The following PCBP3 variants were observed in gnomAD, a reference collection of about 807,000 sequenced individuals.
The protein encoded by PCBP3 is poly(rC) binding protein 3.
PCBP3 carries 25 observed loss-of-function variants against 52.7 expected under a neutral mutation model. That is an observed-to-expected ratio of 0.47 (90% CI 0.35 to 0.66). The LOEUF is 0.66. Ranked by LOEUF, PCBP3 falls within the 30% of genes least tolerant of loss-of-function variation. The pLI, the probability that PCBP3 is intolerant of heterozygous loss-of-function variation, is 0.01. For missense variants in PCBP3, 391 were observed against 490.3 expected (o/e 0.80, Z 1.91); for synonymous variants, 162 against 183.0 (o/e 0.89, Z 0.93).
chr21:45,812,522 C>T (rs1376644144), intron 4 of PCBP3, among the ~76,000 whole-genome samples: 2 of 152,310 alleles, frequency 1.3e-5, no homozygotes, highest in South Asian at 2.1e-4. Context: ...TCTCCTGCCT[C>T]AGCCTCCCGA....
intron 15 of PCBP3, among the ~76,000 whole-genome samples, chr21:45,931,914 C>G (rs1255559124): frequency 1.3e-5 from 2 of 150,256 alleles, no homozygotes; most frequent in African/African-American, 4.9e-5. Context: ...TGAACAAACA[C>G]CCGGGCCATG....
At chr21:45,782,985 C>A (rs2090759765) in intron 4 of PCBP3, among the ~76,000 whole-genome samples, 1 of 152,164 alleles carries the variant, frequency 6.6e-6, no homozygotes, top group Non-Finnish European at 1.5e-5. Flanking sequence ...GTTTGTACTC[C>A]CACTAGCAGA....
At chr21:45,729,077 C>T (rs566306472) in intron 2 of PCBP3, among the ~76,000 whole-genome samples, 3 of 152,150 alleles carry the variant, frequency 2.0e-5, no homozygotes, top group South Asian at 4.1e-4. Context: ...TCCTGGTCTC[C>T]CCCTGTCCTT....
chr21:45,665,250 AAT>A, intron 1 of PCBP3, among the ~76,000 whole-genome samples: 1 of 152,156 alleles, frequency 6.6e-6, no homozygotes, highest in African/African-American at 2.4e-5. Flanking sequence ...AAAAAATAAA[AAT>A]AAAAAATTAG....
At chr21:45,864,948 C>A (rs2094653488) in intron 5 of PCBP3, among the ~76,000 whole-genome samples, 1 of 152,152 alleles carries the variant, frequency 6.6e-6, no homozygotes, top group African/African-American at 2.4e-5. Context: ...CTTTTGAAAA[C>A]ATTCTGCATT....
chr21:45,697,754 CAAA>C lies in PCBP3; in HGVS notation c.-200+28817_-200+28819del, dbSNP rs5844246. ...TGGGCAACAGAGGGAGACCCTGTCT[CAAA>C]AAAAAAAAAAAAAATTACAAAGGAA... On this transcript the variant is annotated intron_variant, in intron 2 of 17. Coordinates refer to ENST00000681687, the MANE Select transcript of PCBP3 (RefSeq NM_001384156.1). Among the ~76,000 whole-genome samples, 208 of 132,028 alleles carry C rather than the reference CAAA, an allele frequency of 1.6e-3. 2 individuals are homozygous for C. Among genetic ancestry groups the C allele is most frequent in the African/African-American group, 4.7e-3 (171 of 36,124 alleles). The allele number at this position is 132,028 out of a possible 152,430, so 86.6% of individuals were successfully genotyped here. A position where few individuals can be genotyped will look rare whatever the true frequency, so the allele number is the denominator to read the frequency against.
At position 45,729,631 on chromosome 21, in the gene PCBP3, A is replaced by G. The variant is rs10470260; in HGVS notation, c.-199-5761A>G. Among the ~76,000 whole-genome samples the G allele has an allele frequency of 3.3e-3, 497 of 152,214 alleles. 1 individual carries two copies. Among genetic ancestry groups the G allele is most frequent in the African/African-American group, 0.011 (469 of 41,500 alleles). On this transcript the variant is annotated intron_variant, in intron 2 of 17. Transcript: ENST00000681687. ...ATTGTGGTTTGACCTAATTGTCTTC[A>G]TAATATCTTTTGTGTCTGTATAATG...
At chr21:45,822,215 G>A (rs1232979763) in intron 4 of PCBP3, among the ~76,000 whole-genome samples, 2 of 152,160 alleles carry the variant, frequency 1.3e-5, no homozygotes, top group Admixed American at 6.5e-5. Context: ...CACAGGCACC[G>A]GCACCGTCAT....
At chr21:45,673,208 ACT>A (rs1174150831) in intron 2 of PCBP3, among the ~76,000 whole-genome samples, 3 of 151,830 alleles carry the variant, frequency 2.0e-5, no homozygotes, top group Non-Finnish European at 4.4e-5. Context: ...TTCTGATTAG[ACT>A]CTTTCTTTGG....
intron 4 of PCBP3, among the ~76,000 whole-genome samples, chr21:45,786,683 G>A (rs1033285209): frequency 3.3e-5 from 5 of 152,100 alleles, no homozygotes; most frequent in African/African-American, 7.2e-5. Context: ...ATATTGCTAC[G>A]TTCGTTCCAA....
chr21:45,784,341 C>G lies in PCBP3; in HGVS notation c.-126+28889C>G, dbSNP rs73232764. On this transcript the variant is annotated intron_variant, in intron 4 of 17. Transcript: ENST00000681687. ...GGGAATGTTAATAGTGACAGCTCTA[C>G]CTCTACCTCTACCTCTACCTCTACC... 3.9e-3 allele frequency among the ~76,000 whole-genome samples: 409 copies of G among 105,040 alleles called. 2 individuals are homozygous for G. The highest frequency in any genetic ancestry group is 6.3e-3 in the African/African-American group (164 of 26,008). The allele number at this position is 105,040 out of a possible 152,430, so 68.9% of individuals were successfully genotyped here.
At position 45,802,455 on chromosome 21, in the gene PCBP3, C is replaced by T. The variant is rs557537865; in HGVS notation, c.-126+47003C>T. 6.6e-6 allele frequency among the ~76,000 whole-genome samples: 1 copy of T among 152,296 alleles called. No individual in the cohort carries two copies. The highest frequency in any genetic ancestry group is 1.5e-5 in the Non-Finnish European group (1 of 68,020). On this transcript the variant is annotated intron_variant, in intron 4 of 17. Transcript: ENST00000681687. This position sits in a 1 kb window ranked among gnomAD's most constrained non-coding sequence, Gnocchi z 5.1. The stretch of plus-strand genomic sequence containing the variant: ...TACTGAGTGCCTACGTTGTCCTGTG[C>T]CCGGGCTGCCCAAGGTGGTGTGAGT...
Position 45,701,060 on chromosome 21 carries a change from C to A in PCBP3, c.-200+32108C>A, listed in dbSNP as rs1043666913. On this transcript the variant is annotated intron_variant, in intron 2 of 17. Transcript: ENST00000681687. ...TAAATCTCCTCTCACAGAGCAGAATCGCCTGGAGGGATTTTGCCTTGAAAA... is the reference window on the plus strand; with the variant it reads ...TAAATCTCCTCTCACAGAGCAGAATAGCCTGGAGGGATTTTGCCTTGAAAA... Among the ~76,000 whole-genome samples the A allele has an allele frequency of 3.3e-5, 5 of 152,304 alleles. No homozygotes were observed. In the South Asian group the frequency reaches 1.0e-3, roughly 32 times the overall value.
chr21:45,667,099 T>C (rs113833388), intron 1 of PCBP3, among the ~76,000 whole-genome samples: 18 of 96,040 alleles, frequency 1.9e-4, no homozygotes, highest in Admixed American at 7.1e-4. Context: ...TCTTTCTTTC[T>C]TTCTTTCTTT....
chr21:45,684,448 TG>T (rs2082035828), intron 2 of PCBP3, among the ~76,000 whole-genome samples: 2 of 152,238 alleles, frequency 1.3e-5, no homozygotes, highest in South Asian at 4.1e-4. Flanking sequence ...TGATCCCCAG[TG>T]TTGGAGGTGG....
At chr21:45,756,303 C>T (rs1218732807) in intron 4 of PCBP3, among the ~76,000 whole-genome samples, 1 of 152,218 alleles carries the variant, frequency 6.6e-6, no homozygotes, top group Non-Finnish European at 1.5e-5. Flanking sequence ...CCTGTCTTCT[C>T]ACTGGCACCA....
At chr21:45,752,878 G>A (rs971977) in intron 3 of PCBP3, 103,126 of 149,396 alleles carry the variant, frequency 0.69, 36,861 homozygotes, top group African/African-American at 0.88. Context: ...TCCTCCTGTA[G>A]TCTCAGCATT....
intron 1 of PCBP3, among the ~76,000 whole-genome samples, chr21:45,646,107 C>CTCTCTGTGTGTGTGTGTGTGTG (rs1555895746): frequency 1.1e-4 from 9 of 83,824 alleles, no homozygotes; most frequent in East Asian, 1.0e-3. Flanking sequence ...CTCTCTCTCT[C>CTCTCTGTGTGTGTGTGTGTGTG]TGTGTGTGTG....
At chr21:45,742,933 T>A (rs2146087595) in intron 3 of PCBP3, among the ~76,000 whole-genome samples, 1 of 152,320 alleles carries the variant, frequency 6.6e-6, no homozygotes, top group African/African-American at 2.4e-5. Flanking sequence ...TTTAGAATGA[T>A]TTTCAAGTTT....
Sources: allele counts gnomAD v4.1 joint callset (sites outside exome capture counted in the v4.1 genomes callset), GRCh38; gene constraint gnomAD v4.1.1; non-coding constraint Gnocchi (gnomAD v3.1); transcripts MANE v1.5; gene names NCBI Gene and HGNC (gene_info 2026-07-23, HGNC 2026-07-21).